PXDNL: variants seen among roughly 807,000 people sequenced by gnomAD.
PXDNL encodes the protein peroxidasin like, also known as probable oxidoreductase PXDNL.
In PXDNL, 145 loss-of-function variants were observed where a neutral mutation model predicts 150.8. That is an observed-to-expected ratio of 0.96 (90% CI 0.84 to 1.10). The LOEUF (loss-of-function observed/expected upper bound fraction) is 1.10, where lower values mean the gene tolerates loss of function less well. PXDNL is among the 50% of genes least tolerant of loss of function. The pLI is 0.00. For synonymous variants in PXDNL, 757 were observed against 725.7 expected (o/e 1.04, Z -0.69); for missense variants, 2,087 against 1,873.9 (o/e 1.11, Z -2.10).
At chr8:51,806,042 G>A (rs1355209649) in intron 1 of PXDNL, among the ~76,000 whole-genome samples, 2 of 152,146 alleles carry the variant, frequency 1.3e-5, no homozygotes, top group African/African-American at 4.8e-5. Flanking sequence ...ATGGCAGCAG[G>A]CTTTTTGGTA....
chr8:51,718,104 C>A (rs974763351), intron 1 of PXDNL, among the ~76,000 whole-genome samples: 1 of 152,102 alleles, frequency 6.6e-6, no homozygotes, highest in Non-Finnish European at 1.5e-5. Context: ...TTTGACACAG[C>A]TGCCTGAGGA....
At chr8:51,406,364 G>A (rs1399911298) in intron 17 of PXDNL, among the ~76,000 whole-genome samples, 1 of 152,176 alleles carries the variant, frequency 6.6e-6, no homozygotes, top group East Asian at 1.9e-4. Flanking sequence ...GCAGCTGTTG[G>A]ATTCTTGGCT....
In PXDNL at chr8:51,483,947, T is replaced by C. The variant is rs145281989; in HGVS notation, c.453-233A>G. ...CACATCTGTGTACTTTTGATTTTTTTAGTTTACTTAGTTACAGATTACAAA... is the reference window on the plus strand; with the variant it reads ...CACATCTGTGTACTTTTGATTTTTTCAGTTTACTTAGTTACAGATTACAAA... On this transcript the variant is annotated intron_variant, in intron 5 of 22. Coordinates refer to ENST00000356297, the MANE Select transcript of PXDNL (RefSeq NM_144651.5). 2.8e-3 allele frequency among the ~76,000 whole-genome samples: 424 copies of C among 152,304 alleles called. 1 individual carries two copies. The highest frequency in any genetic ancestry group is 9.5e-3 in the African/African-American group (394 of 41,574).
At chr8:51,517,910 G>A (rs1290500481) in intron 4 of PXDNL, among the ~76,000 whole-genome samples, 1 of 152,136 alleles carries the variant, frequency 6.6e-6, no homozygotes, top group Admixed American at 6.5e-5. Flanking sequence ...TTATAGTTGG[G>A]TGTAAAATCA....
At chr8:51,750,847 G>A (rs139962356) in intron 1 of PXDNL, among the ~76,000 whole-genome samples, 392 of 152,222 alleles carry the variant, frequency 2.6e-3, no homozygotes, top group Non-Finnish European at 4.2e-3. Flanking sequence ...CCGCGGTTTC[G>A]GGCATCCACT....
At chr8:51,578,865 A>G (rs1813144882) in intron 3 of PXDNL, among the ~76,000 whole-genome samples, 1 of 152,040 alleles carries the variant, frequency 6.6e-6, no homozygotes, top group South Asian at 2.1e-4. Flanking sequence ...GAGGAAAGAA[A>G]GCATCTTAAC....
chr8:51,804,659 C>T (rs1405897251), intron 1 of PXDNL, among the ~76,000 whole-genome samples: 2 of 152,148 alleles, frequency 1.3e-5, no homozygotes, highest in Admixed American at 1.3e-4. Context: ...CCCCACAAAG[C>T]TACTATTCCA....
intron 2 of PXDNL, among the ~76,000 whole-genome samples, chr8:51,621,167 A>G (rs948735197): frequency 6.6e-6 from 1 of 152,108 alleles, no homozygotes; most frequent in Non-Finnish European, 1.5e-5. Context: ...TTATTCTCAA[A>G]TTTTCTCTGC....
At chr8:51,488,766 C>T (rs548853621) in intron 5 of PXDNL, among the ~76,000 whole-genome samples, 1 of 151,886 alleles carries the variant, frequency 6.6e-6, no homozygotes, top group East Asian at 1.9e-4. Context: ...TATCAATAGA[C>T]AATGAAGAAT....
intron 1 of PXDNL, among the ~76,000 whole-genome samples, chr8:51,775,330 C>T (rs942761249): frequency 3.3e-5 from 5 of 152,160 alleles, no homozygotes; most frequent in Admixed American, 1.3e-4. Flanking sequence ...TTAACTTTAT[C>T]ATGAAATTAA....
At chr8:51,336,366 G>C (rs923795353) in intron 21 of PXDNL, among the ~76,000 whole-genome samples, 3 of 152,154 alleles carry the variant, frequency 2.0e-5, no homozygotes, top group African/African-American at 7.2e-5. Flanking sequence ...GGCATACACT[G>C]AACAATCAGA....
At chr8:51,578,000 AGGAAGG>A (rs1563471200) in intron 3 of PXDNL, among the ~76,000 whole-genome samples, 5 of 25,460 alleles carry the variant, frequency 2.0e-4, no homozygotes, top group African/African-American at 2.7e-4. Flanking sequence ...AGAAAGAAAG[AGGAAGG>A]AAGGAAGGAA....
intron 1 of PXDNL, among the ~76,000 whole-genome samples, chr8:51,718,820 C>T (rs1162387759): frequency 2.6e-5 from 4 of 152,184 alleles, no homozygotes; most frequent in African/African-American, 9.7e-5. Context: ...TGCATGAGCT[C>T]CTCCACTGAT....
intron 8 of PXDNL, among the ~76,000 whole-genome samples, chr8:51,467,784 T>C (rs543618931): frequency 6.6e-6 from 1 of 152,180 alleles, no homozygotes; most frequent in African/African-American, 2.4e-5. Flanking sequence ...CTCCCCAAGG[T>C]AAAACCTTAA....
Position 51,449,036 on chromosome 8 carries a change from G to A in PXDNL, c.1332C>T (p.Gly444=), listed in dbSNP as rs1051047005. ...TCCAGACAATAACAGGAGGTGGGTTGCCGTCAGCTTCACAGAGCCACTCTA... is the reference window on the plus strand; with the variant it reads ...TCCAGACAATAACAGGAGGTGGGTTACCGTCAGCTTCACAGAGCCACTCTA... ...HAVEWLCEAD[G]NPPPVIVWTK... The change falls in exon 11 of 23, where the codon GGC becomes GGT. Residue 444 remains glycine (G), a synonymous_variant. Transcript: ENST00000356297. 1.3e-6 allele frequency: 2 copies of A among 1,551,208 alleles called. No individual in the cohort carries two copies. The highest frequency in any genetic ancestry group is 1.2e-5 in the South Asian group (1 of 84,056).
intron 1 of PXDNL, among the ~76,000 whole-genome samples, chr8:51,739,046 C>T (rs4873586): frequency 0.97 from 148,088 of 152,308 alleles, 72,123 homozygotes; most frequent in East Asian, 1. Context: ...ATATTTCCCA[C>T]GACCAATTGA....
intron 22 of PXDNL, among the ~76,000 whole-genome samples, 155 bp from the exon 23 acceptor site, chr8:51,320,177 T>C (rs1805275568): frequency 1.3e-5 from 2 of 152,240 alleles, no homozygotes; most frequent in Admixed American, 1.3e-4. Flanking sequence ...GCATGGTTTC[T>C]ATTCATTCTT....
intron 4 of PXDNL, among the ~76,000 whole-genome samples, chr8:51,536,276 G>GA (rs545557736): frequency 5.2e-4 from 79 of 152,300 alleles, no homozygotes; most frequent in African/African-American, 1.7e-3. Flanking sequence ...GAAATGGAGA[G>GA]AAAAAAACCT....
At chr8:51,455,767 G>A (rs1328993099) in intron 9 of PXDNL, among the ~76,000 whole-genome samples, 1 of 152,062 alleles carries the variant, frequency 6.6e-6, no homozygotes, top group Non-Finnish European at 1.5e-5. Context: ...AAATTACTTG[G>A]TGTAATCCCA....
Sources: allele counts gnomAD v4.1 joint callset (sites outside exome capture counted in the v4.1 genomes callset), GRCh38; gene constraint gnomAD v4.1.1; transcripts MANE v1.5; gene names NCBI Gene and HGNC (gene_info 2026-07-23, HGNC 2026-07-21).